The following IGFBP2 variants were observed in gnomAD, a reference collection of about 807,000 sequenced individuals.
IGFBP2 encodes the protein insulin like growth factor binding protein 2.
Under a neutral mutation model 26.2 loss-of-function variants are expected in IGFBP2, and 12 were observed. The ratio of observed to expected loss-of-function variants is 0.46; its 90% CI spans 0.29 to 0.74. The LOEUF (loss-of-function observed/expected upper bound fraction) is 0.74. Among genes scored for constraint, IGFBP2 ranks in the 30% least tolerant of loss-of-function variants. IGFBP2 has a pLI of 0.09. For missense variants in IGFBP2, 328 were observed against 441.2 expected, an observed-to-expected ratio of 0.74 and a Z score of 2.30; for synonymous variants, 189 against 200.6, an observed-to-expected ratio of 0.94 and a Z score of 0.49.
At position 216,664,220 on chromosome 2, in the gene IGFBP2, A is replaced by G; in HGVS notation, c.*116A>G. The G allele has an allele frequency of 1.2e-6, 1 of 850,990 alleles. No homozygotes were observed. Among genetic ancestry groups the G allele is most frequent in the South Asian group, 2.2e-5 (1 of 45,562 alleles). The allele number at this position is 850,990 out of a possible 1,614,324, so 52.7% of individuals were successfully genotyped here. Reference sequence around the variant, plus strand: ...AGGATTTTCCAGTTCTGACACACGTATTTATATTTGGAAAGAGACCAGCAC... The same window carrying G: ...AGGATTTTCCAGTTCTGACACACGTGTTTATATTTGGAAAGAGACCAGCAC... On this transcript the variant is annotated 3_prime_UTR_variant, in exon 4 of 4. Transcript: ENST00000233809. This position sits in a 1 kb window ranked among gnomAD's most constrained non-coding sequence, Gnocchi z 4.6.
chr2:216,659,471 G>A lies in IGFBP2; in HGVS notation c.443-1086G>A, dbSNP rs553669077. The stretch of plus-strand genomic sequence containing the variant: ...GTGGGAGGGTCTGGGGCTGTTTGCC[G>A]TGTCTCCAAGGGGTTGGGGCTGGGG... On this transcript the variant is annotated intron_variant, in intron 1 of 3. Coordinates refer to ENST00000233809, the MANE Select transcript of IGFBP2 (RefSeq NM_000597.3). 5.5e-4 allele frequency: 297 copies of A among 536,528 alleles called. 2 individuals are homozygous for A. The highest frequency in any genetic ancestry group is 8.2e-4 in the Non-Finnish European group (244 of 295,768). The allele number at this position is 536,528 out of a possible 1,614,324, so 33.2% of individuals were successfully genotyped here. A position where few individuals can be genotyped will look rare whatever the true frequency, so the allele number is the denominator to read the frequency against.
intron 1 of IGFBP2, among the ~76,000 whole-genome samples, chr2:216,641,852 G>C (rs1333272392): frequency 1.3e-5 from 2 of 150,402 alleles, no homozygotes; most frequent in East Asian, 2.0e-4. Flanking sequence ...ACCACGCCCG[G>C]CTAATTTTTT....
In IGFBP2 at chr2:216,633,891, C is replaced by G. The variant is rs1376983658; in HGVS notation, c.368C>G (p.Ala123Gly). The change falls in exon 1 of 4, where the codon GCG (alanine) becomes GGG (glycine). Residue 123 changes from alanine to glycine, a missense_variant. Ala to Gly is a moderately conservative substitution (Grantham distance 60, BLOSUM62 0). Coordinates refer to ENST00000233809, the MANE Select transcript of IGFBP2 (RefSeq NM_000597.3). ...PHPGSELPLQ[A>G]LVMGEGTCEK... ...CCGGGCTCCGAGCTGCCCCTGCAGGCGCTGGTCATGGGCGAGGGCACTTGT... is the reference window on the plus strand; with the variant it reads ...CCGGGCTCCGAGCTGCCCCTGCAGGGGCTGGTCATGGGCGAGGGCACTTGT... 2.5e-6 allele frequency: 4 copies of G among 1,591,258 alleles called. No individual in the cohort carries two copies. Among genetic ancestry groups the G allele is most frequent in the Non-Finnish European group, 8.5e-7 (1 of 1,171,382 alleles).
At chr2:216,655,876 C>A (rs1697911154) in intron 1 of IGFBP2, among the ~76,000 whole-genome samples, 1 of 148,954 alleles carries the variant, frequency 6.7e-6, no homozygotes, top group African/African-American at 2.5e-5. Flanking sequence ...GCCTGGGTGA[C>A]AGAGCGATAC....
intron 1 of IGFBP2, among the ~76,000 whole-genome samples, chr2:216,643,665 TAA>T (rs35784683): frequency 1.1e-4 from 16 of 144,328 alleles, no homozygotes; most frequent in African/African-American, 3.5e-4. Flanking sequence ...GCTGATGAGC[TAA>T]AAAAAAAAAA....
At position 216,633,942 on chromosome 2, in the gene IGFBP2, G is replaced by T. The variant is rs1287001565; in HGVS notation, c.419G>T (p.Gly140Val). The change falls in exon 1 of 4, where the codon GGC becomes GTC. Residue 140 changes from glycine to valine, a missense_variant. Transcript: ENST00000233809. ...TCEKRRDAEY[G>V]ASPEQVADNG... ...GAGAAGCGCCGGGACGCCGAGTATG[G>T]CGCCAGCCCGGAGCAGGTTGCAGGT... 1 of 1,602,820 alleles carries T rather than the reference G, an allele frequency of 6.2e-7. No individual in the cohort carries two copies. The highest frequency in any genetic ancestry group is 8.5e-7 in the Non-Finnish European group (1 of 1,176,040).
At chr2:216,641,865 A>G (rs1234442189) in intron 1 of IGFBP2, among the ~76,000 whole-genome samples, 4 of 147,962 alleles carry the variant, frequency 2.7e-5, no homozygotes, top group African/African-American at 5.0e-5. Context: ...AATTTTTTGT[A>G]TTTTTTAGTA....
chr2:216,661,534 G>T, intron 2 of IGFBP2: 1 of 422,772 alleles, frequency 2.4e-6, no homozygotes, highest in South Asian at 2.1e-5. Context: ...GGCATGGGGT[G>T]GGGGCATGGA....
intron 1 of IGFBP2, among the ~76,000 whole-genome samples, chr2:216,641,850 C>T (rs1432204768): frequency 7.3e-5 from 11 of 150,760 alleles, no homozygotes; most frequent in African/African-American, 1.7e-4. Context: ...CCACCACGCC[C>T]GGCTAATTTT....
chr2:216,644,261 G>T (rs1427047639), intron 1 of IGFBP2, among the ~76,000 whole-genome samples: 1 of 152,182 alleles, frequency 6.6e-6, no homozygotes, highest in Non-Finnish European at 1.5e-5. Context: ...GCTGTTGGGA[G>T]GCAGGGCAGG....
chr2:216,648,378 C>T (rs980928350), intron 1 of IGFBP2, among the ~76,000 whole-genome samples: 2 of 152,156 alleles, frequency 1.3e-5, no homozygotes, highest in Non-Finnish European at 2.9e-5. Flanking sequence ...GACTCATTTC[C>T]GAGTTCTTCA....
At position 216,659,562 on chromosome 2, in the gene IGFBP2, C is replaced by G. The variant is rs527283037; in HGVS notation, c.443-995C>G. ...GCTTGTCTCCTGGTTACAGCTCTGC[C>G]GTGCGATTCAGATCCTCTCTGCCTC... On this transcript the variant is annotated intron_variant, in intron 1 of 3. Coordinates refer to ENST00000233809, the MANE Select transcript of IGFBP2 (RefSeq NM_000597.3). 31 of 644,404 alleles carry G rather than the reference C, an allele frequency of 4.8e-5. No individual in the cohort carries two copies. In the African/African-American group the frequency reaches 5.2e-4, roughly 11 times the overall value. The allele number at this position is 644,404 out of a possible 1,614,324, so 39.9% of individuals were successfully genotyped here.
chr2:216,646,200 C>T lies in IGFBP2; in HGVS notation c.442+12235C>T, dbSNP rs143196564. On this transcript the variant is annotated intron_variant, in intron 1 of 3. Transcript: ENST00000233809. ...TTGTCAGGCCTGGAATATCTGAGAG[C>T]AGAGTTATGGGGATGGAGAAGAGGA... is the stretch of plus-strand genomic sequence containing the variant. Among the ~76,000 whole-genome samples the T allele has an allele frequency of 1.4e-4, 21 of 152,194 alleles. No homozygotes were observed. In the East Asian group the frequency reaches 4.1e-3, roughly 29 times the overall value.
chr2:216,642,604 C>T (rs958229664), intron 1 of IGFBP2, among the ~76,000 whole-genome samples: 20 of 151,998 alleles, frequency 1.3e-4, no homozygotes, highest in African/African-American at 4.8e-4. Flanking sequence ...CCACGCCTGG[C>T]CTAGGCTTGC....
intron 1 of IGFBP2, among the ~76,000 whole-genome samples, chr2:216,656,777 C>A (rs1202787033): frequency 6.6e-6 from 1 of 152,196 alleles, no homozygotes; most frequent in Non-Finnish European, 1.5e-5. Context: ...CAAGCCACTT[C>A]CCAAGAGGGC....
intron 1 of IGFBP2, among the ~76,000 whole-genome samples, chr2:216,639,307 AT>A (rs1377150356): frequency 2.0e-5 from 3 of 152,130 alleles, no homozygotes; most frequent in Admixed American, 6.5e-5. Context: ...AAGTGCTGGG[AT>A]TACAGGCATG....
intron 1 of IGFBP2, among the ~76,000 whole-genome samples, chr2:216,649,602 A>T (rs141947489): frequency 6.6e-6 from 1 of 152,212 alleles, no homozygotes; most frequent in Admixed American, 6.5e-5. Flanking sequence ...GTGAAAGCTG[A>T]TAGTGCTGTT....
In IGFBP2 at chr2:216,660,541, C is replaced by T; in HGVS notation, c.443-16C>T. ...AAACTGGACCTGGAGCTTTTCTTCCCTTCCTCTCTTGGCAGACAATGGCGA... is the reference window on the plus strand; with the variant it reads ...AAACTGGACCTGGAGCTTTTCTTCCTTTCCTCTCTTGGCAGACAATGGCGA... On this transcript the variant is annotated splice_polypyrimidine_tract_variant and intron_variant, in intron 1 of 3. Transcript: ENST00000233809. The T allele has an allele frequency of 1.3e-6, 2 of 1,572,576 alleles. No individual in the cohort carries two copies. The highest frequency in any genetic ancestry group is 3.5e-5 in the Admixed American group (2 of 56,560).
At chr2:216,634,736 A>G (rs1697459121) in intron 1 of IGFBP2, among the ~76,000 whole-genome samples, 1 of 151,994 alleles carries the variant, frequency 6.6e-6, no homozygotes, top group Admixed American at 6.5e-5. Flanking sequence ...ATCGAAAGGC[A>G]GGAGAGATGC....
Sources: gnomAD v4.1 joint callset for allele counts (sites outside exome capture counted in the v4.1 genomes callset) on GRCh38, gnomAD v4.1.1 for gene constraint, Gnocchi (gnomAD v3.1) non-coding constraint, MANE v1.5 for transcripts, NCBI Gene and HGNC (gene_info 2026-07-23, HGNC 2026-07-21) for gene names.